Variants in ZSWIM6 observed in about 807,000 individuals in gnomAD.
ZSWIM6 encodes zinc finger SWIM domain-containing protein 6.
A neutral mutation model predicts 113.2 loss-of-function variants in ZSWIM6; 9 were observed. That is an observed-to-expected ratio of 0.08 (90% CI 0.05 to 0.14). The LOEUF (loss-of-function observed/expected upper bound fraction) is 0.14, where lower values mean the gene tolerates loss of function less well. ZSWIM6 is among the 10% of genes least tolerant of loss of function. ZSWIM6 has a pLI of 1.00. For synonymous variants in ZSWIM6, 611 were observed against 606.5 expected, an observed-to-expected ratio of 1.01 and a Z score of -0.11; for missense variants, 1,162 against 1,552.2, an observed-to-expected ratio of 0.75 and a Z score of 4.22.
chr5:61,339,236 A>C (rs747432882), intron 1 of ZSWIM6, among the ~76,000 whole-genome samples: 5 of 152,104 alleles, frequency 3.3e-5, no homozygotes, highest in Non-Finnish European at 5.9e-5. Flanking sequence ...GTGAAACCCT[A>C]TCTCTACTAA....
chr5:61,407,887 T>C (rs959024955), intron 1 of ZSWIM6, among the ~76,000 whole-genome samples: 1 of 152,222 alleles, frequency 6.6e-6, no homozygotes, highest in South Asian at 2.1e-4. Context: ...ATAGGCATCC[T>C]CCTGCACTGC....
intron 1 of ZSWIM6, among the ~76,000 whole-genome samples, chr5:61,387,104 G>A (rs62366259): frequency 0.12 from 17,876 of 152,152 alleles, 1,119 homozygotes; most frequent in Middle Eastern, 0.16. Flanking sequence ...AGTTGCTTAT[G>A]TCAGAAAATA....
chr5:61,396,285 G>C (rs1745835349), intron 1 of ZSWIM6, among the ~76,000 whole-genome samples: 1 of 152,110 alleles, frequency 6.6e-6, no homozygotes, highest in African/African-American at 2.4e-5. Context: ...TGTAATCCCA[G>C]CACTTTGGGA....
At chr5:61,361,367 T>C (rs1161146292) in intron 1 of ZSWIM6, among the ~76,000 whole-genome samples, 1 of 152,118 alleles carries the variant, frequency 6.6e-6, no homozygotes, top group Admixed American at 6.6e-5. Context: ...CCTGGAAAAA[T>C]CTCCAGTTTC....
chr5:61,466,031 TGAAAAG>T (rs1310897711), intron 1 of ZSWIM6, among the ~76,000 whole-genome samples: 1 of 152,178 alleles, frequency 6.6e-6, no homozygotes, highest in Non-Finnish European at 1.5e-5. Context: ...ATTATGGAGT[TGAAAAG>T]GAATATGATA....
intron 1 of ZSWIM6, among the ~76,000 whole-genome samples, chr5:61,380,202 A>C (rs1033044169): frequency 1.3e-5 from 2 of 152,022 alleles, no homozygotes; most frequent in Non-Finnish European, 2.9e-5. Flanking sequence ...CAGCATCCCG[A>C]GTAGCTGGGA....
rs1403516171 is a variant in ZSWIM6 at position 61,525,903 on chromosome 5, A to G, written c.1617A>G (p.Leu539=). Residue 539 remains leucine, a synonymous_variant, in exon 6 of 14, where the codon CTA becomes CTG. Coordinates refer to ENST00000252744, the MANE Select transcript of ZSWIM6 (RefSeq NM_020928.2). The stretch of plus-strand genomic sequence containing the variant: ...TGCAGCACATTATCAGCAGTGACCT[A>G]TACACCAACTACTGTTACCATGACG... The part of the protein sequence containing the change: ...SHLQHIISSD[L]YTNYCYHDDT... The G allele has an allele frequency of 1.3e-6, 2 of 1,552,122 alleles. No individual in the cohort carries two copies. The highest frequency in any genetic ancestry group is 2.4e-5 in the East Asian group (1 of 40,916).
At chr5:61,424,740 T>A (rs1316725154) in intron 1 of ZSWIM6, among the ~76,000 whole-genome samples, 1 of 151,710 alleles carries the variant, frequency 6.6e-6, no homozygotes, top group African/African-American at 2.4e-5. Context: ...TTTTTTTTTT[T>A]TTTTGGAGAT....
At chr5:61,355,484 A>G (rs1744883346) in intron 1 of ZSWIM6, among the ~76,000 whole-genome samples, 1 of 124,414 alleles carries the variant, frequency 8.0e-6, no homozygotes. Flanking sequence ...ACACACACAC[A>G]CACACACACA....
At chr5:61,360,210 AG>A (rs779214317) in intron 1 of ZSWIM6, among the ~76,000 whole-genome samples, 7 of 145,210 alleles carry the variant, frequency 4.8e-5, no homozygotes, top group Non-Finnish European at 1.0e-4. Context: ...CTGCTGTTGG[AG>A]GTATCGCTAG....
chr5:61,447,339 G>A (rs1438421173), intron 1 of ZSWIM6, among the ~76,000 whole-genome samples: 1 of 152,148 alleles, frequency 6.6e-6, no homozygotes, highest in Non-Finnish European at 1.5e-5. Flanking sequence ...CAACTGCACT[G>A]AAACACAATC....
chr5:61,350,484 TC>T (rs1470093493), intron 1 of ZSWIM6, among the ~76,000 whole-genome samples: 2 of 152,294 alleles, frequency 1.3e-5, no homozygotes, highest in African/African-American at 4.8e-5. Flanking sequence ...TGTCTGTATC[TC>T]CTATTCAGAC....
chr5:61,538,286 A>G (rs957553331), intron 10 of ZSWIM6, among the ~76,000 whole-genome samples: 3 of 152,240 alleles, frequency 2.0e-5, no homozygotes, highest in Admixed American at 6.5e-5. Flanking sequence ...GAAAGTATGA[A>G]TGGATGGAAA....
rs2112184643 is a variant in ZSWIM6 at position 61,472,826 on chromosome 5, T to C, written c.822T>C (p.His274=). The part of the protein sequence containing the change: ...CGNKDIFYCA[H]VVALSLYRIR... ...ACAAGGACATATTTTATTGTGCCCA[T>C]GTTGTGGCACTGTCTTTATACCGCA... The change falls in exon 2 of 14, where the codon CAT becomes CAC. Residue 274 remains histidine (H), a synonymous_variant. Transcript: ENST00000252744. The surrounding 1 kb of genome is among the most constrained non-coding windows in gnomAD (Gnocchi z 4.1). 1.3e-6 allele frequency: 2 copies of C among 1,551,834 alleles called. No individual in the cohort carries two copies. Among genetic ancestry groups the C allele is most frequent in the Non-Finnish European group, 1.7e-6 (2 of 1,147,070 alleles).
At chr5:61,430,133 T>G (rs766125535) in intron 1 of ZSWIM6, among the ~76,000 whole-genome samples, 16 of 152,240 alleles carry the variant, frequency 1.1e-4, no homozygotes, top group East Asian at 9.7e-4. Flanking sequence ...GAGAGAACTC[T>G]GACCATGGGA....
At chr5:61,352,803 C>T (rs896486766) in intron 1 of ZSWIM6, among the ~76,000 whole-genome samples, 1 of 152,222 alleles carries the variant, frequency 6.6e-6, no homozygotes, top group Non-Finnish European at 1.5e-5. Context: ...AAAAACCAAA[C>T]AGTCCTGTTT....
intron 1 of ZSWIM6, among the ~76,000 whole-genome samples, chr5:61,397,922 A>G (rs1745874205): frequency 1.3e-5 from 2 of 152,214 alleles, no homozygotes; most frequent in African/African-American, 4.8e-5. Context: ...GAGACTTCCC[A>G]CTTTACCTTC....
In ZSWIM6 at chr5:61,472,161, G is replaced by A. The variant is rs191941612; in HGVS notation, c.677-520G>A. On this transcript the variant is annotated intron_variant, in intron 1 of 13. Transcript: ENST00000252744. This position sits in a 1 kb window ranked among gnomAD's most constrained non-coding sequence, Gnocchi z 4.1. Reference sequence around the variant, plus strand: ...TTAAAAATTTATCTGATCAAAGTTTGTGGAAGGGACTCCCTTAGAGTTGCA... The same window carrying A: ...TTAAAAATTTATCTGATCAAAGTTTATGGAAGGGACTCCCTTAGAGTTGCA... Among the ~76,000 whole-genome samples the A allele has an allele frequency of 3.2e-4, 48 of 152,318 alleles. No homozygotes were observed. In the East Asian group the frequency reaches 8.5e-3, roughly 27 times the overall value.
intron 1 of ZSWIM6, among the ~76,000 whole-genome samples, chr5:61,381,353 G>A (rs879812680): frequency 6.6e-6 from 1 of 152,210 alleles, no homozygotes; most frequent in Non-Finnish European, 1.5e-5. Flanking sequence ...ATTGTTCCTT[G>A]TAGTATGTAA....
Sources: gnomAD v4.1 joint callset for allele counts (sites outside exome capture counted in the v4.1 genomes callset) on GRCh38, gnomAD v4.1.1 for gene constraint, Gnocchi (gnomAD v3.1) non-coding constraint, MANE v1.5 for transcripts, NCBI Gene and HGNC (gene_info 2026-07-23, HGNC 2026-07-21) for gene names.